The following ABHD5 variants were observed in gnomAD, a reference collection of about 807,000 sequenced individuals.
ABHD5 encodes abhydrolase domain containing 5, lysophosphatidic acid acyltransferase, also known as 1-acylglycerol-3-phosphate O-acyltransferase ABHD5.
ABHD5 carries 30 observed loss-of-function variants against 44.9 expected under a neutral mutation model. The ratio of observed to expected loss-of-function variants is 0.67; its 90% confidence interval spans 0.50 to 0.91. ABHD5 has a LOEUF of 0.91. ABHD5 is among the 40% of genes least tolerant of loss of function. ABHD5 has a pLI of 0.00. For missense variants in ABHD5, 399 were observed against 423.4 expected (o/e 0.94, Z 0.50); for synonymous variants, 167 against 147.0 (o/e 1.14, Z -0.99).
chr3:43,728,707 A>C (rs1291309470), intron 7 of ABHD5, among the ~76,000 whole-genome samples: 1 of 152,218 alleles, frequency 6.6e-6, no homozygotes, highest in Admixed American at 6.5e-5. Flanking sequence ...GGAGCCAACC[A>C]TTAAGTAAAT....
intron 7 of ABHD5, among the ~76,000 whole-genome samples, chr3:43,729,534 A>T (rs1174811679): frequency 6.6e-6 from 1 of 152,354 alleles, no homozygotes; most frequent in Non-Finnish European, 1.5e-5. Flanking sequence ...GCTAATGAGT[A>T]GTCAGGAAAA....
intron 7 of ABHD5, among the ~76,000 whole-genome samples, chr3:43,732,159 G>A (rs1247251558): frequency 2.0e-5 from 3 of 151,954 alleles, no homozygotes; most frequent in Admixed American, 2.0e-4. Context: ...GGCTTGGCAC[G>A]GTGGCTCATG....
chr3:43,731,917 G>T (rs1012752538), intron 7 of ABHD5, among the ~76,000 whole-genome samples: 3 of 152,058 alleles, frequency 2.0e-5, no homozygotes, highest in African/African-American at 7.3e-5. Context: ...ATAAGTGTGG[G>T]ACCCCTCTGA....
Position 43,720,213 on chromosome 3 carries a change from G to C in ABHD5, c.*1681G>C, listed in dbSNP as rs1449801224. ...ATGGCCAGGTTTCAAACCTGTATGT[G>C]GTACAAATAATTTGGGTAATATTTT... On this transcript the variant is annotated 3_prime_UTR_variant, in exon 7 of 7. Transcript: ENST00000644371. 6.6e-6 allele frequency: 1 copy of C among 152,106 alleles called. No individual in the cohort carries two copies. The highest frequency in any genetic ancestry group is 2.4e-5 in the African/African-American group (1 of 41,432). The allele number at this position is 152,106 out of a possible 1,614,324, so 9.4% of individuals were successfully genotyped here.
At chr3:43,695,393 A>T (rs996755505) in intron 1 of ABHD5, among the ~76,000 whole-genome samples, 3 of 152,182 alleles carry the variant, frequency 2.0e-5, no homozygotes, top group Admixed American at 1.3e-4. Flanking sequence ...TTTAAATGAG[A>T]TAGAGAGCTG....
At chr3:43,690,872 T>G (rs912217996), upstream of ABHD5, 5 of 1,128,700 alleles carry the variant, frequency 4.4e-6, no homozygotes, top group Middle Eastern at 3.1e-4. Flanking sequence ...GCCGTGCTAG[T>G]GCGCGGAAGA....
At chr3:43,695,796 T>C (rs1189392327) in intron 1 of ABHD5, among the ~76,000 whole-genome samples, 1 of 152,224 alleles carries the variant, frequency 6.6e-6, no homozygotes, top group African/African-American at 2.4e-5. Flanking sequence ...TGTCTATCTC[T>C]CACTCAGGAT....
In ABHD5 at chr3:43,702,212, T is replaced by C. The variant is rs776061830; in HGVS notation, c.134-3T>C. 7.0e-6 allele frequency: 11 copies of C among 1,577,734 alleles called. No homozygotes were observed. The South Asian group carries it at 1.0e-4, about 15-fold the overall frequency. On this transcript the variant is annotated splice_polypyrimidine_tract_variant and splice_region_variant and intron_variant, in intron 2 of 6. Coordinates refer to ENST00000644371, the MANE Select transcript of ABHD5 (RefSeq NM_016006.6). Reference sequence around the variant, plus strand: ...CAGAATTTCTCTTTTATGTTTTCATTAGGTGTGCCTTGCACATACAAAAAA... The same window carrying C: ...CAGAATTTCTCTTTTATGTTTTCATCAGGTGTGCCTTGCACATACAAAAAA...
chr3:43,724,946 G>A (rs1432837837), downstream of ABHD5, among the ~76,000 whole-genome samples: 1 of 152,188 alleles, frequency 6.6e-6, no homozygotes, highest in Admixed American at 6.5e-5. Flanking sequence ...AATGAAAACT[G>A]TAAAATATAG....
chr3:43,701,955 G>A (rs1216505288), intron 2 of ABHD5: 3 of 393,152 alleles, frequency 7.6e-6, no homozygotes, highest in Non-Finnish European at 1.4e-5. Context: ...GAAGTTAGAA[G>A]GTAATATGAC....
intron 3 of ABHD5, among the ~76,000 whole-genome samples, chr3:43,704,930 TTGAAC>T (rs1189153588): frequency 6.6e-6 from 1 of 152,216 alleles, no homozygotes; most frequent in Non-Finnish European, 1.5e-5. Context: ...CAACAAAATT[TTGAAC>T]TGTACAGAGT....
chr3:43,711,729 T>A lies in ABHD5; in HGVS notation c.527T>A (p.Val176Glu), dbSNP rs951459053. 1 of 1,614,068 alleles carries A rather than the reference T, an allele frequency of 6.2e-7. No individual in the cohort carries two copies. The highest frequency in any genetic ancestry group is 8.5e-7 in the Non-Finnish European group (1 of 1,180,034). ...YPSRVNHLIL[V>E]EPWGFPERPD... Reference sequence around the variant, plus strand: ...AACAGGGTTAATCATCTCATTTTAGTGGAGCCTTGGGGTTTCCCTGAACGA... The same window carrying A: ...AACAGGGTTAATCATCTCATTTTAGAGGAGCCTTGGGGTTTCCCTGAACGA... The change falls in exon 4 of 7, where the codon GTG (valine) becomes GAG (glutamate). Residue 176 changes from valine (V) to glutamate (E), a missense_variant. Coordinates refer to ENST00000644371, the MANE Select transcript of ABHD5 (RefSeq NM_016006.6).
intron 1 of ABHD5, chr3:43,691,569 A>G (rs1403056451): frequency 1.3e-5 from 2 of 152,168 alleles, no homozygotes; most frequent in African/African-American, 2.4e-5. Context: ...AGCCGTAGGA[A>G]GGGGCGGCGC....
At chr3:43,696,692 C>T (rs773777740) in intron 1 of ABHD5, among the ~76,000 whole-genome samples, 10 of 152,062 alleles carry the variant, frequency 6.6e-5, no homozygotes, top group Non-Finnish European at 1.3e-4. Context: ...TTCCTTGAAG[C>T]CTATTATGTA....
chr3:43,713,190 C>T (rs2084710202), intron 4 of ABHD5, among the ~76,000 whole-genome samples: 1 of 151,864 alleles, frequency 6.6e-6, no homozygotes, highest in South Asian at 2.1e-4. Flanking sequence ...TAGTGGCACA[C>T]ACCTGTAATC....
intron 1 of ABHD5, among the ~76,000 whole-genome samples, chr3:43,692,477 GT>G (rs2084407525): frequency 6.6e-6 from 1 of 152,198 alleles, no homozygotes; most frequent in African/African-American, 2.4e-5. Context: ...TCGTGAAAGG[GT>G]TTTATGGCTT....
At chr3:43,725,609 A>C (rs1189089061), downstream of ABHD5, among the ~76,000 whole-genome samples, 1 of 152,178 alleles carries the variant, frequency 6.6e-6, no homozygotes, top group Non-Finnish European at 1.5e-5. Flanking sequence ...CCTACTTTTT[A>C]AAAAATTAAA....
rs573859349 is a variant in ABHD5, at chr3:43,721,745, G to A, written c.*3213G>A. On this transcript the variant is annotated 3_prime_UTR_variant, in exon 7 of 7. Transcript: ENST00000644371. ...GAAAATATTTGCAGCATTTATCACA[G>A]AGGGCTAATTGTAGCCCTATATATG... The A allele has an allele frequency of 1.3e-5, 2 of 152,186 alleles. No individual in the cohort carries two copies. Among genetic ancestry groups the A allele is most frequent in the East Asian group, 3.9e-4 (2 of 5,186 alleles). 9.4% of individuals were successfully genotyped at this position (152,186 alleles called of 1,614,324 possible). A position where few individuals can be genotyped will look rare whatever the true frequency, so the allele number is the denominator to read the frequency against.
chr3:43,691,178 T>A, intron 1 of ABHD5, 139 bp downstream of exon 1: 1 of 833,456 alleles, frequency 1.2e-6, no homozygotes, highest in Non-Finnish European at 1.6e-6. Context: ...CTCCCCGGCA[T>A]GAGTCCGCGC....
Sources: allele counts gnomAD v4.1 joint callset (sites outside exome capture counted in the v4.1 genomes callset), GRCh38; gene constraint gnomAD v4.1.1; transcripts MANE v1.5; gene names NCBI Gene and HGNC (gene_info 2026-07-23, HGNC 2026-07-21).